Variants in CDYL observed in about 807,000 individuals in gnomAD.
CDYL encodes the protein chromodomain Y like.
Under a neutral mutation model 47.3 loss-of-function variants are expected in CDYL, and 8 were observed. That is an observed-to-expected ratio of 0.17 (90% CI 0.10 to 0.31). The LOEUF (loss-of-function observed/expected upper bound fraction) is 0.31. Among genes scored for constraint, CDYL ranks in the 10% least tolerant of loss-of-function variants. The pLI, the probability that CDYL is intolerant of heterozygous loss-of-function variation, is 1.00. For missense variants in CDYL, 471 were observed against 701.4 expected (o/e 0.67, Z 3.71); for synonymous variants, 266 against 265.0 (o/e 1.00, Z -0.04).
chr6:4,857,558 T>G (rs977640285), intron 1 of CDYL, among the ~76,000 whole-genome samples: 1 of 152,160 alleles, frequency 6.6e-6, no homozygotes, highest in South Asian at 2.1e-4. Flanking sequence ...GCCTTTGAAG[T>G]CCCTTCAGAA....
chr6:4,714,746 T>C (rs1757222342), intron 1 of CDYL: 1 of 152,156 alleles, frequency 6.6e-6, no homozygotes, highest in Non-Finnish European at 1.5e-5. Context: ...GTAGGTAAGT[T>C]AGAGGATGAA....
At chr6:4,797,114 G>A (rs1433725835) in intron 1 of CDYL, among the ~76,000 whole-genome samples, 1 of 151,988 alleles carries the variant, frequency 6.6e-6, no homozygotes, top group Non-Finnish European at 1.5e-5. Flanking sequence ...TCTCCTATTT[G>A]ACATGTATCT....
At chr6:4,942,571 C>G (rs1758391450) in intron 4 of CDYL, among the ~76,000 whole-genome samples, 1 of 152,204 alleles carries the variant, frequency 6.6e-6, no homozygotes, top group African/African-American at 2.4e-5. Flanking sequence ...ACTGAAGGGA[C>G]TATCTTGTGT....
intron 2 of CDYL, among the ~76,000 whole-genome samples, chr6:4,717,836 T>C (rs1200074185): frequency 9.2e-6 from 1 of 108,176 alleles, no homozygotes; most frequent in African/African-American, 3.1e-5. Flanking sequence ...ATCACCCTGT[T>C]AGATTTTTTT....
At chr6:4,855,637 T>C (rs1760983913) in intron 1 of CDYL, among the ~76,000 whole-genome samples, 1 of 152,206 alleles carries the variant, frequency 6.6e-6, no homozygotes, top group Non-Finnish European at 1.5e-5. Flanking sequence ...TTGTGGATCT[T>C]TTATCTCAAA....
chr6:4,908,352 T>C (rs975863359), intron 2 of CDYL, among the ~76,000 whole-genome samples: 5 of 152,190 alleles, frequency 3.3e-5, no homozygotes, highest in Admixed American at 1.3e-4. Flanking sequence ...GATTTAGGCA[T>C]TGGTGTTTCA....
At chr6:4,707,538 C>T (rs748556270) in intron 1 of CDYL, among the ~76,000 whole-genome samples, 8 of 152,190 alleles carry the variant, frequency 5.3e-5, no homozygotes, top group African/African-American at 9.6e-5. Context: ...TCCCAAAGTG[C>T]TGGGATTACA....
chr6:4,943,612 T>C lies in CDYL; in HGVS notation c.1188T>C (p.Ile396=), dbSNP rs11963443. The C allele has an allele frequency of 0.019, 30,563 of 1,613,634 alleles. 4,067 individuals carry two copies. In the African/African-American group the frequency reaches 0.32, roughly 17 times the overall value. ...PIIVAVNGPA[I]GLGASILPLC... ...TTGTAGCAGTCAATGGCCCAGCCAT[T>C]GGTCTAGGAGCATCTATATTGCCTC... Residue 396 remains isoleucine, a synonymous_variant, in exon 5 of 7, where the codon ATT becomes ATC. Transcript: ENST00000397588.
intron 3 of CDYL, among the ~76,000 whole-genome samples, chr6:4,754,356 T>A (rs1758043407): frequency 6.6e-6 from 1 of 152,224 alleles, no homozygotes; most frequent in African/African-American, 2.4e-5. Flanking sequence ...CGATTTTCAT[T>A]TCAGAAGACA....
rs777561414 is a variant in CDYL, at chr6:4,954,085, G to A, written c.*29G>A. The A allele has an allele frequency of 1.8e-5, 29 of 1,604,332 alleles. No individual in the cohort carries two copies. Among genetic ancestry groups the A allele is most frequent in the Non-Finnish European group, 2.3e-5 (27 of 1,173,766 alleles). ...TCGGGCTGCCCACTGGTGACACCGG[G>A]ATCGGGCTGAGCAGGAGAACATCAC... On this transcript the variant is annotated 3_prime_UTR_variant, in exon 7 of 7. Coordinates refer to ENST00000397588, the MANE Select transcript of CDYL (RefSeq NM_004824.4).
chr6:4,811,597 A>G (rs1364668265), intron 1 of CDYL, among the ~76,000 whole-genome samples: 2 of 151,040 alleles, frequency 1.3e-5, no homozygotes, highest in South Asian at 2.1e-4. Context: ...CAAGTACTCA[A>G]TGACATTATT....
At chr6:4,917,257 C>G (rs1054819208) in intron 2 of CDYL, among the ~76,000 whole-genome samples, 1 of 152,094 alleles carries the variant, frequency 6.6e-6, no homozygotes, top group African/African-American at 2.4e-5. Context: ...CTTTTGAAGT[C>G]ATAGGTTTGT....
At chr6:4,790,118 C>A (rs1370670336) in intron 1 of CDYL, among the ~76,000 whole-genome samples, 1 of 152,164 alleles carries the variant, frequency 6.6e-6, no homozygotes, top group African/African-American at 2.4e-5. Flanking sequence ...TGCTGTTCTC[C>A]TCAGTTATCT....
intron 1 of CDYL, among the ~76,000 whole-genome samples, chr6:4,824,988 A>G (rs1423504702): frequency 6.6e-6 from 1 of 152,054 alleles, no homozygotes; most frequent in Non-Finnish European, 1.5e-5. Flanking sequence ...TTTGTGCCTC[A>G]GCCTCCTGAG....
intron 1 of CDYL, among the ~76,000 whole-genome samples, chr6:4,844,237 G>C (rs1760587778): frequency 6.6e-6 from 1 of 152,174 alleles, no homozygotes; most frequent in Admixed American, 6.5e-5. Flanking sequence ...ATTGTGGTTT[G>C]GTTTTGTTCA....
At chr6:4,823,381 G>A (rs1055576882) in intron 1 of CDYL, among the ~76,000 whole-genome samples, 6 of 152,176 alleles carry the variant, frequency 3.9e-5, no homozygotes, top group Non-Finnish European at 7.4e-5. Context: ...TGGTAAGAGT[G>A]CATGGATACA....
At chr6:4,944,231 A>G (rs1197053681) in intron 5 of CDYL, among the ~76,000 whole-genome samples, 1 of 152,240 alleles carries the variant, frequency 6.6e-6, no homozygotes, top group East Asian at 1.9e-4. Context: ...AGTTATTCAC[A>G]TCTCATTCTC....
At chr6:4,862,673 G>A (rs1237711699) in intron 1 of CDYL, among the ~76,000 whole-genome samples, 3 of 152,124 alleles carry the variant, frequency 2.0e-5, no homozygotes, top group African/African-American at 7.2e-5. Context: ...CTTTAGAACA[G>A]TTAATTAATT....
intron 2 of CDYL, among the ~76,000 whole-genome samples, chr6:4,918,079 T>C (rs562570381): frequency 7.2e-5 from 11 of 152,210 alleles, no homozygotes; most frequent in Non-Finnish European, 1.5e-4. Context: ...AGATTGTAAT[T>C]GATCAGTTGT....
Sources: allele counts gnomAD v4.1 joint callset (sites outside exome capture counted in the v4.1 genomes callset), GRCh38; gene constraint gnomAD v4.1.1; transcripts MANE v1.5; gene names NCBI Gene and HGNC (gene_info 2026-07-23, HGNC 2026-07-21).